SFXN4: variants seen among roughly 807,000 people sequenced by gnomAD.
SFXN4 encodes the protein sideroflexin-4.
SFXN4 carries 48 observed loss-of-function variants against 54.6 expected under a neutral mutation model. The observed-to-expected ratio is 0.88, with a 90% confidence interval of 0.70 to 1.12. The LOEUF is 1.12. SFXN4 is among the 50% of genes most tolerant of loss of function. SFXN4 has a pLI of 0.00. For missense variants in SFXN4, 383 were observed against 409.2 expected (o/e 0.94, Z 0.55); for synonymous variants, 130 against 145.5 (o/e 0.89, Z 0.77).
intron 13 of SFXN4, among the ~76,000 whole-genome samples, chr10:119,142,143 T>G (rs919012792): frequency 6.6e-6 from 1 of 152,074 alleles, no homozygotes; most frequent in African/African-American, 2.4e-5. Flanking sequence ...AAGGCTGCAG[T>G]AAGCCATGAT....
In SFXN4 at chr10:119,144,326, G is replaced by A. The variant is rs541833780; in HGVS notation, c.936+1910C>T. On this transcript the variant is annotated intron_variant, in intron 13 of 13. Transcript: ENST00000355697. Reference sequence around the variant, plus strand: ...CAAAAAATTAGCTGGGTGTGGTGGCGGGCGCCTGTAGTCCCAGCTACTCAG... The same window carrying A: ...CAAAAAATTAGCTGGGTGTGGTGGCAGGCGCCTGTAGTCCCAGCTACTCAG... Among the ~76,000 whole-genome samples the A allele has an allele frequency of 1.8e-4, 28 of 152,080 alleles. No homozygotes were observed. In the South Asian group the frequency reaches 3.9e-3, roughly 21 times the overall value.
intron 12 of SFXN4, 130 bp downstream of exon 12, chr10:119,147,645 C>T (rs1054123205): frequency 1.4e-6 from 1 of 711,338 alleles, no homozygotes; most frequent in Non-Finnish European, 2.5e-6. Context: ...CCTGTCTTAG[C>T]TGTGATGTGT....
At chr10:119,146,478 T>C in intron 12 of SFXN4, 125 bp from the exon 13 acceptor site, 3 of 495,930 alleles carry the variant, frequency 6.0e-6, no homozygotes, top group Admixed American at 3.2e-5. Flanking sequence ...TGTGTGTACC[T>C]GAACACCTGG....
In SFXN4 at chr10:119,145,910, T is replaced by C. The variant is rs12411420; in HGVS notation, c.936+326A>G. Among the ~76,000 whole-genome samples the C allele has an allele frequency of 0.31, 47,121 of 151,992 alleles. 7,893 individuals carry two copies. Among genetic ancestry groups the C allele is most frequent in the South Asian group, 0.41 (1,967 of 4,814 alleles). On this transcript the variant is annotated intron_variant, in intron 13 of 13. Transcript: ENST00000355697. ...CAATCATGGCTCACTGCAGCCTCAA[T>C]CTCCTGGGCCCAGGTGATCCTCCCA...
intron 11 of SFXN4, among the ~76,000 whole-genome samples, chr10:119,151,126 T>C (rs1299339108): frequency 6.6e-6 from 1 of 152,058 alleles, no homozygotes; most frequent in African/African-American, 2.4e-5. Flanking sequence ...TCCCAGCACT[T>C]TGGGAGGCCG....
rs1026573156 is a variant in SFXN4, at chr10:119,140,987, G to A, written c.*255C>T. 18 of 393,476 alleles carry A rather than the reference G, an allele frequency of 4.6e-5. No individual in the cohort carries two copies. Among genetic ancestry groups the A allele is most frequent in the South Asian group, 1.1e-4 (2 of 18,286 alleles). The allele number at this position is 393,476 out of a possible 1,614,324, so 24.4% of individuals were successfully genotyped here. A position where few individuals can be genotyped will look rare whatever the true frequency, so the allele number is the denominator to read the frequency against. On this transcript the variant is annotated 3_prime_UTR_variant, in exon 14 of 14. Coordinates refer to ENST00000355697, the MANE Select transcript of SFXN4 (RefSeq NM_213649.2). ...ATTTCACAGTATCCTTTCGCAGGCC[G>A]ATCCCCACTCCAACCGTTCCCTCAG... is the stretch of plus-strand genomic sequence containing the variant.
chr10:119,147,755 G>T lies in SFXN4; in HGVS notation c.818+20C>A, dbSNP rs755251092. The T allele has an allele frequency of 1.2e-5, 20 of 1,602,556 alleles. No individual in the cohort carries two copies. The highest frequency in any genetic ancestry group is 1.7e-5 in the Non-Finnish European group (20 of 1,169,746). ...TTTGACTTTCAAATCCCTACCTGGG[G>T]ATATGACCGTGTCTCTTACCTTTTA... On this transcript the variant is annotated intron_variant, in intron 12 of 13. Transcript: ENST00000355697.
rs200119053 is a variant in SFXN4, at chr10:119,143,370, A to AT, written c.937-2052dup. ...AGGTGTGTGCCGCTTCACCCTACTA[A>AT]TTTTTTTTTTTTCGAGACAGGGTCT... On this transcript the variant is annotated intron_variant, in intron 13 of 13. Transcript: ENST00000355697. Among the ~76,000 whole-genome samples the AT allele has an allele frequency of 3.3e-3, 479 of 146,178 alleles. 7 individuals carry two copies. Among genetic ancestry groups the AT allele is most frequent in the African/African-American group, 4.8e-3 (190 of 39,626 alleles).
intron 13 of SFXN4, among the ~76,000 whole-genome samples, chr10:119,145,374 C>T (rs1244495483): frequency 7.0e-6 from 1 of 142,468 alleles, no homozygotes; most frequent in East Asian, 2.1e-4. Context: ...AGTACAATGT[C>T]ATGATCTTGG....
At chr10:119,164,247 G>A (rs1589652783) in intron 1 of SFXN4, 51 bp from the exon 2 acceptor site, 1 of 938,822 alleles carries the variant, frequency 1.1e-6, no homozygotes. Context: ...GAAAAATAAA[G>A]ATATAAATAC....
rs1847671847 is a variant in SFXN4 at position 119,164,205 on chromosome 10, G to A, written c.112-9C>T. On this transcript the variant is annotated splice_polypyrimidine_tract_variant and intron_variant, in intron 1 of 13. Coordinates refer to ENST00000355697, the MANE Select transcript of SFXN4 (RefSeq NM_213649.2). ...AATCGTCGAATAAAGGACTTAGGAG[G>A]GAGAAAAGCAACAGAGAGGTTAATG... The A allele has an allele frequency of 1.9e-6, 3 of 1,553,138 alleles. No homozygotes were observed. In the East Asian group the frequency reaches 6.8e-5, roughly 35 times the overall value.
intron 11 of SFXN4, 48 bp from the exon 12 acceptor site, chr10:119,147,908 C>T (rs765744634): frequency 2.9e-5 from 43 of 1,493,654 alleles, no homozygotes; most frequent in South Asian, 1.6e-4. Context: ...CGGTGGCTCA[C>T]GCCTGTAATC....
intron 11 of SFXN4, among the ~76,000 whole-genome samples, chr10:119,154,020 A>G (rs1481123173): frequency 6.6e-6 from 1 of 152,072 alleles, no homozygotes; most frequent in African/African-American, 2.4e-5. Flanking sequence ...TCTACTAAAA[A>G]TACAAAAATT....
intron 13 of SFXN4, among the ~76,000 whole-genome samples, chr10:119,145,230 G>A (rs1439680167): frequency 2.0e-5 from 3 of 151,698 alleles, no homozygotes; most frequent in African/African-American, 4.8e-5. Flanking sequence ...ATATGAAGAT[G>A]ACGAGGATGA....
In SFXN4 at chr10:119,164,014, T is replaced by C. The variant is rs1458588920; in HGVS notation, c.177+117A>G. 5.9e-6 allele frequency: 4 copies of C among 679,358 alleles called. No individual in the cohort carries two copies. In the African/African-American group the frequency reaches 7.0e-5, roughly 12 times the overall value. The allele number at this position is 679,358 out of a possible 1,614,324, so 42.1% of individuals were successfully genotyped here. Reference sequence around the variant, plus strand: ...GAGATGGTGCCACTGCACTCCATCCTGGGCAAGAAGAACGAAACTCCGTCT... The same window carrying C: ...GAGATGGTGCCACTGCACTCCATCCCGGGCAAGAAGAACGAAACTCCGTCT... On this transcript the variant is annotated intron_variant, in intron 2 of 13. Transcript: ENST00000355697.
Position 119,165,590 on chromosome 10 carries a change from C to A in SFXN4, c.58G>T (p.Ala20Ser). Reference sequence around the variant, plus strand: ...TTGGGCTCAATGAAGGCGGGGACGGCGTCTCTGCGTCCTAGGAGCCGCCCA... The same window carrying A: ...TTGGGCTCAATGAAGGCGGGGACGGAGTCTCTGCGTCCTAGGAGCCGCCCA... ...QPGRLLGRRD[A>S]VPAFIEPNVR... The change falls in exon 1 of 14, where the codon GCC becomes TCC. Residue 20 changes from alanine (A) to serine (S), a missense_variant. Ala to Ser is a moderately conservative substitution (Grantham distance 99). Coordinates refer to ENST00000355697, the MANE Select transcript of SFXN4 (RefSeq NM_213649.2). The A allele has an allele frequency of 1.3e-6, 2 of 1,593,794 alleles. No homozygotes were observed. Among genetic ancestry groups the A allele is most frequent in the South Asian group, 1.1e-5 (1 of 90,370 alleles).
At position 119,164,190 on chromosome 10, in the gene SFXN4, T is replaced by C. The variant is rs1288076225; in HGVS notation, c.118A>G (p.Ile40Val). 6.3e-7 allele frequency: 1 copy of C among 1,586,658 alleles called. No homozygotes were observed. The highest frequency in any genetic ancestry group is 1.4e-5 in the African/African-American group (1 of 73,504). The change falls in exon 2 of 14, where the codon ATT becomes GTT. Residue 40 changes from isoleucine (I) to valine (V), a missense_variant. By Grantham distance (29) the Ile-to-Val change is conservative. Coordinates refer to ENST00000355697, the MANE Select transcript of SFXN4 (RefSeq NM_213649.2). ...RFWITERQSF[I>V]RRFLQWTELL... ...TCTGTCCATTGAAGAAATCGTCGAA[T>C]AAAGGACTTAGGAGGGAGAAAAGCA...
At chr10:119,160,515 C>A (rs1242424215) in intron 5 of SFXN4, among the ~76,000 whole-genome samples, 1,587 of 123,080 alleles carry the variant, frequency 0.013, no homozygotes, top group Middle Eastern at 0.018. Context: ...GACACTGTTT[C>A]AAAAAAAAAA....
Position 119,164,067 on chromosome 10 carries a change from G to GAC in SFXN4, c.177+62_177+63dup, listed in dbSNP as rs1178063660. 3.8e-6 allele frequency: 3 copies of GAC among 785,778 alleles called. No homozygotes were observed. In the East Asian group the frequency reaches 8.8e-5, roughly 23 times the overall value. 48.7% of individuals were successfully genotyped at this position (785,778 alleles called of 1,614,324 possible). A position where few individuals can be genotyped will look rare whatever the true frequency, so the allele number is the denominator to read the frequency against. ...AAAAAAAAAAAAAAAAAAAAAAAGG[G>GAC]ACACACAGACTTCAAGTTTCAAAAT... On this transcript the variant is annotated intron_variant, in intron 2 of 13. Coordinates refer to ENST00000355697, the MANE Select transcript of SFXN4 (RefSeq NM_213649.2).
Sources: allele counts gnomAD v4.1 joint callset (sites outside exome capture counted in the v4.1 genomes callset), GRCh38; gene constraint gnomAD v4.1.1; transcripts MANE v1.5; gene names NCBI Gene and HGNC (gene_info 2026-07-23, HGNC 2026-07-21).